The following PKP1 variants were observed in gnomAD, a reference collection of about 807,000 sequenced individuals.
The protein encoded by PKP1 is plakophilin 1, also known as plakophilin-1.
In PKP1, 27 loss-of-function variants were observed where a neutral mutation model predicts 76.4. That is an observed-to-expected ratio of 0.35 (90% CI 0.26 to 0.49). The LOEUF is 0.49. Among genes scored for constraint, PKP1 ranks in the 20% least tolerant of loss-of-function variants. PKP1 has a pLI of 0.99. For synonymous variants in PKP1, 404 were observed against 384.2 expected (o/e 1.05, Z -0.60); for missense variants, 964 against 955.2 (o/e 1.01, Z -0.12).
chr1:201,320,473 G>A lies in PKP1; in HGVS notation c.1347+92G>A, dbSNP rs969035626. ...GAGGCCTGGCCCAGTGACAAGACAG[G>A]AGCACAGACTCAGGGGTGGTAGAAG... On this transcript the variant is annotated intron_variant, in intron 7 of 13. Transcript: ENST00000367324. 5.0e-6 allele frequency: 4 copies of A among 797,874 alleles called. No individual in the cohort carries two copies. In the East Asian group the frequency reaches 7.9e-5, roughly 16 times the overall value. The allele number at this position is 797,874 out of a possible 1,614,324, so 49.4% of individuals were successfully genotyped here.
rs12083583 is a variant in PKP1, at chr1:201,283,991, C to G, written c.202+87C>G. 0.079 allele frequency: 97,679 copies of G among 1,241,658 alleles called. 4,311 individuals are homozygous for G. The highest frequency in any genetic ancestry group is 0.14 in the African/African-American group (9,406 of 67,364). The allele number at this position is 1,241,658 out of a possible 1,614,324, so 76.9% of individuals were successfully genotyped here. A position where few individuals can be genotyped will look rare whatever the true frequency, so the allele number is the denominator to read the frequency against. On this transcript the variant is annotated intron_variant, in intron 1 of 13. Coordinates refer to ENST00000367324, the MANE Select transcript of PKP1 (RefSeq NM_001005337.3). ...GGGGACCAAGAGACGCACGCATCCC[C>G]GGGGATGAGGGGAGGCGAGGGGCTG...
intron 2 of PKP1, among the ~76,000 whole-genome samples, chr1:201,299,037 A>G (rs570220928): frequency 1.1e-4 from 16 of 152,308 alleles, no homozygotes; most frequent in African/African-American, 3.8e-4. Flanking sequence ...GAGTGTCCAC[A>G]AGGGCAGAGC....
At chr1:201,309,986 A>G (rs1656489265) in intron 2 of PKP1, among the ~76,000 whole-genome samples, 4 of 152,182 alleles carry the variant, frequency 2.6e-5, no homozygotes, top group Admixed American at 1.3e-4. Flanking sequence ...TTTCTGAGAC[A>G]TATTTAGACC....
At chr1:201,292,292 G>C (rs1655942195) in intron 1 of PKP1, among the ~76,000 whole-genome samples, 1 of 152,170 alleles carries the variant, frequency 6.6e-6, no homozygotes, top group Non-Finnish European at 1.5e-5. Context: ...GGGGCCTATG[G>C]GAGGTAAGAG....
intron 12 of PKP1, among the ~76,000 whole-genome samples, chr1:201,327,906 G>A (rs1284456124): frequency 6.6e-6 from 1 of 152,144 alleles, no homozygotes; most frequent in Non-Finnish European, 1.5e-5. Context: ...AGTGAGTCAG[G>A]GCATGAGCCA....
chr1:201,300,196 A>G (rs529027890), intron 2 of PKP1, among the ~76,000 whole-genome samples: 1 of 152,340 alleles, frequency 6.6e-6, no homozygotes, highest in South Asian at 2.1e-4. Context: ...AGTGAGCGGG[A>G]GCGGGCGGGC....
rs1656222432 is a variant in PKP1 at position 201,301,338 on chromosome 1, T to G, written c.306+7293T>G. ...GATCAGCAGCGGATCCTTCTCAGGA[T>G]GTCTGCAGGAAGGAACTCCACTCTC... On this transcript the variant is annotated intron_variant, in intron 2 of 13. Coordinates refer to ENST00000367324, the MANE Select transcript of PKP1 (RefSeq NM_001005337.3). 2.6e-5 allele frequency among the ~76,000 whole-genome samples: 4 copies of G among 152,226 alleles called. No homozygotes were observed. In the South Asian group the frequency reaches 8.3e-4, roughly 32 times the overall value.
rs772895613 is a variant in PKP1, at chr1:201,313,253, C to T, written c.394C>T (p.Arg132Trp). The T allele has an allele frequency of 4.4e-6, 7 of 1,604,872 alleles. No individual in the cohort carries two copies. Among genetic ancestry groups the T allele is most frequent in the African/African-American group, 2.7e-5 (2 of 74,856 alleles). ...GGAGAACTGGAGCCGGCACTACCCCCGGGGCAGCTGTAACACCACCGGCGC... is the reference window on the plus strand; with the variant it reads ...GGAGAACTGGAGCCGGCACTACCCCTGGGGCAGCTGTAACACCACCGGCGC... ...QMENWSRHYPRGSCNTTGAGS... is the reference protein window; with the variant it reads ...QMENWSRHYPWGSCNTTGAGS... Residue 132 changes from arginine to tryptophan, a missense_variant, in exon 3 of 14, where the codon CGG (arginine) becomes TGG (tryptophan). By Grantham distance (101) the Arg-to-Trp change is moderately radical. Transcript: ENST00000367324.
chr1:201,309,177 G>C (rs1656459953), intron 2 of PKP1, among the ~76,000 whole-genome samples: 1 of 151,976 alleles, frequency 6.6e-6, no homozygotes, highest in South Asian at 2.1e-4. Flanking sequence ...CTGTCTCCTT[G>C]CCTATAAAGG....
At chr1:201,327,789 A>C (rs1377969205) in intron 12 of PKP1, among the ~76,000 whole-genome samples, 1 of 151,938 alleles carries the variant, frequency 6.6e-6, no homozygotes, top group Non-Finnish European at 1.5e-5. Context: ...AAGGGCCTTC[A>C]CATCCATCAT....
At chr1:201,286,853 G>C (rs913900040) in intron 1 of PKP1, among the ~76,000 whole-genome samples, 1 of 152,162 alleles carries the variant, frequency 6.6e-6, no homozygotes, top group Non-Finnish European at 1.5e-5. Context: ...CCAGGGAAAT[G>C]ACCTCCCTGA....
intron 3 of PKP1, chr1:201,316,091 G>C (rs866858779): frequency 1.2e-5 from 2 of 164,486 alleles, no homozygotes; most frequent in African/African-American, 4.8e-5. Context: ...CGGACAGACG[G>C]ACGGATGGAT....
chr1:201,322,183 A>G (rs878946652), intron 8 of PKP1, 50 bp downstream of exon 8: 6 of 1,587,614 alleles, frequency 3.8e-6, no homozygotes. Context: ...GCACCCCCCC[A>G]GGAGCCACTG....
At chr1:201,312,944 G>A (rs920965432) in intron 2 of PKP1, among the ~76,000 whole-genome samples, 3 of 152,090 alleles carry the variant, frequency 2.0e-5, no homozygotes, top group Non-Finnish European at 1.5e-5. Flanking sequence ...TAAAAATGAT[G>A]GCCATAGTCT....
In PKP1 at chr1:201,313,552, C is replaced by A. The variant is rs777069475; in HGVS notation, c.693C>A (p.Ala231=). The A allele has an allele frequency of 1.9e-6, 3 of 1,612,578 alleles. No homozygotes were observed. The highest frequency in any genetic ancestry group is 2.2e-5 in the South Asian group (2 of 90,984). ...ACCTGTCCTTTGGCCACTCTAGGGC[C>A]AGCTCCAAGTGAGTGCTGCTGGGCT... ...NKDLSFGHSR[A]SSKICSEDIE... Residue 231 remains alanine (A), a synonymous_variant, in exon 3 of 14, where the codon GCC becomes GCA. Coordinates refer to ENST00000367324, the MANE Select transcript of PKP1 (RefSeq NM_001005337.3).
chr1:201,321,908 G>C, intron 7 of PKP1, 70 bp from the exon 8 acceptor site: 10 of 1,570,924 alleles, frequency 6.4e-6, no homozygotes, highest in South Asian at 1.1e-5. Flanking sequence ...TATTAGCTAG[G>C]GTAGGTGGTA....
intron 3 of PKP1, among the ~76,000 whole-genome samples, chr1:201,315,757 A>C (rs1656701807): frequency 6.6e-6 from 1 of 152,246 alleles, no homozygotes; most frequent in South Asian, 2.1e-4. Flanking sequence ...GCCCTTGGAC[A>C]TCAGGCTAAG....
chr1:201,284,612 C>T (rs1163321832), intron 1 of PKP1, among the ~76,000 whole-genome samples: 8 of 152,196 alleles, frequency 5.3e-5, no homozygotes, highest in Non-Finnish European at 1.2e-4. Context: ...GTTGGAAGGC[C>T]GCCCCAGGGC....
rs1656347433 is a variant in PKP1 at position 201,305,603 on chromosome 1, C to T, written c.307-7563C>T. Among the ~76,000 whole-genome samples the T allele has an allele frequency of 2.6e-5, 4 of 152,314 alleles. No individual in the cohort carries two copies. In the South Asian group the frequency reaches 8.3e-4, roughly 32 times the overall value. On this transcript the variant is annotated intron_variant, in intron 2 of 13. Coordinates refer to ENST00000367324, the MANE Select transcript of PKP1 (RefSeq NM_001005337.3). The stretch of plus-strand genomic sequence containing the variant: ...CCTCTTTTCTGGGCCAGGTAAGCAC[C>T]TGCCCTTCAGGATGCTGCCACCTCC...
Sources: allele counts gnomAD v4.1 joint callset (sites outside exome capture counted in the v4.1 genomes callset), GRCh38; gene constraint gnomAD v4.1.1; transcripts MANE v1.5; gene names NCBI Gene and HGNC (gene_info 2026-07-23, HGNC 2026-07-21).